The following ADGRB3 variants were observed in gnomAD, a reference collection of about 807,000 sequenced individuals.
The protein encoded by ADGRB3 is brain-specific angiogenesis inhibitor 3.
ADGRB3 carries 37 observed loss-of-function variants against 193.4 expected under a neutral mutation model. That is an observed-to-expected ratio of 0.19 (90% CI 0.15 to 0.25). The LOEUF (loss-of-function observed/expected upper bound fraction) is 0.25, where lower values mean the gene tolerates loss of function less well. Ranked by LOEUF, ADGRB3 falls within the 10% of genes least tolerant of loss-of-function variation. The probability of loss-of-function intolerance (pLI) is 1.00; values close to 1 mark genes in which losing one functional copy is unlikely to be tolerated. For missense variants in ADGRB3, 1,637 were observed against 1,852.9 expected (o/e 0.88, Z 2.14); for synonymous variants, 690 against 644.2 (o/e 1.07, Z -1.08).
At chr6:68,919,534 G>C (rs889685462) in intron 3 of ADGRB3, among the ~76,000 whole-genome samples, 2 of 152,156 alleles carry the variant, frequency 1.3e-5, no homozygotes, top group Non-Finnish European at 2.9e-5. Context: ...GATTTCTGGG[G>C]AAGAGAATGT....
At position 68,967,348 on chromosome 6, in the gene ADGRB3, C is replaced by G. The variant is rs114595532; in HGVS notation, c.1526-7415C>G. ...TCAGTAATAGAAAGATGTGGTTGGT[C>G]AAAGGAAAACAACTATTTAATCAGC... On this transcript the variant is annotated intron_variant, in intron 8 of 31. Transcript: ENST00000370598. 3.1e-3 allele frequency among the ~76,000 whole-genome samples: 473 copies of G among 152,194 alleles called. 1 individual carries two copies. Among genetic ancestry groups the G allele is most frequent in the African/African-American group, 0.011 (465 of 41,532 alleles).
At chr6:68,644,546 C>T (rs1036003480) in intron 3 of ADGRB3, among the ~76,000 whole-genome samples, 3 of 152,096 alleles carry the variant, frequency 2.0e-5, no homozygotes, top group African/African-American at 4.8e-5. Context: ...TGAAGATAAA[C>T]ATAAGCTGTC....
intron 17 of ADGRB3, among the ~76,000 whole-genome samples, chr6:69,091,884 G>A (rs1005163352): frequency 6.6e-6 from 1 of 152,018 alleles, no homozygotes; most frequent in African/African-American, 2.4e-5. Context: ...TTTTTGACAT[G>A]ATTAAAAAAA....
At chr6:69,232,131 G>A (rs952394416) in intron 17 of ADGRB3, among the ~76,000 whole-genome samples, 34 of 152,288 alleles carry the variant, frequency 2.2e-4, no homozygotes, top group African/African-American at 7.7e-4. Context: ...TAGTAACTTG[G>A]TTTGAAATTT....
intron 3 of ADGRB3, among the ~76,000 whole-genome samples, chr6:68,815,693 T>A (rs1767620036): frequency 6.6e-6 from 1 of 151,608 alleles, no homozygotes; most frequent in South Asian, 2.1e-4. Context: ...TTCTGAATTT[T>A]GAAACTCAGC....
chr6:69,014,677 T>G (rs1312230895), intron 12 of ADGRB3, among the ~76,000 whole-genome samples: 2 of 152,024 alleles, frequency 1.3e-5, no homozygotes, highest in Non-Finnish European at 2.9e-5. Flanking sequence ...TCCTAACTGA[T>G]AAGACAGTGA....
At chr6:69,112,375 A>G (rs745447727) in intron 17 of ADGRB3, among the ~76,000 whole-genome samples, 3 of 152,172 alleles carry the variant, frequency 2.0e-5, no homozygotes, top group East Asian at 3.9e-4. Context: ...TTCACATCCT[A>G]TTGACCAAAA....
intron 20 of ADGRB3, among the ~76,000 whole-genome samples, chr6:69,285,926 A>G (rs1403264964): frequency 1.3e-5 from 2 of 152,002 alleles, no homozygotes; most frequent in African/African-American, 4.8e-5. Context: ...AGGTAAAACA[A>G]AAGGTTTACT....
chr6:68,675,059 G>A (rs563760296), intron 3 of ADGRB3, among the ~76,000 whole-genome samples: 3 of 152,196 alleles, frequency 2.0e-5, no homozygotes, highest in Non-Finnish European at 4.4e-5. Flanking sequence ...TATGTATTGC[G>A]AATAGTGAGA....
chr6:69,139,613 C>A (rs1466175128), intron 17 of ADGRB3, among the ~76,000 whole-genome samples: 1 of 152,156 alleles, frequency 6.6e-6, no homozygotes, highest in Non-Finnish European at 1.5e-5. Context: ...TATTATGTGG[C>A]ATTCACCTCT....
At chr6:69,268,265 T>TAA (rs1378642640) in intron 20 of ADGRB3, among the ~76,000 whole-genome samples, 1 of 152,170 alleles carries the variant, frequency 6.6e-6, no homozygotes, top group African/African-American at 2.4e-5. Context: ...AATTATAATT[T>TAA]TGAAATCCAA....
chr6:68,807,476 G>A (rs887912855), intron 3 of ADGRB3, among the ~76,000 whole-genome samples: 3 of 151,738 alleles, frequency 2.0e-5, no homozygotes, highest in South Asian at 2.1e-4. Flanking sequence ...TCCTGACCTC[G>A]TGATTTCCCC....
intron 17 of ADGRB3, among the ~76,000 whole-genome samples, chr6:69,156,991 TGTTTCCCTAAGCCACTGAAGAA>T (rs1774859534): frequency 6.6e-6 from 1 of 152,190 alleles, no homozygotes; most frequent in African/African-American, 2.4e-5. Flanking sequence ...GAAGACACTA[TGTTTCCCTAAGCCACTGAAGAA>T]GTGGCGCAGC....
intron 3 of ADGRB3, among the ~76,000 whole-genome samples, chr6:68,728,401 A>C (rs567392864): frequency 5.8e-4 from 88 of 151,690 alleles, no homozygotes; most frequent in African/African-American, 2.1e-3. Flanking sequence ...AGCCTAACAA[A>C]AAAAAAAGAA....
chr6:69,224,094 CTTAA>C (rs1765957037), intron 17 of ADGRB3, among the ~76,000 whole-genome samples: 1 of 151,946 alleles, frequency 6.6e-6, no homozygotes, highest in Admixed American at 6.6e-5. Flanking sequence ...GATAATTACT[CTTAA>C]TTATTTTTTC....
At chr6:69,323,475 G>T (rs576617240) in intron 20 of ADGRB3, among the ~76,000 whole-genome samples, 5 of 152,164 alleles carry the variant, frequency 3.3e-5, no homozygotes, top group East Asian at 3.9e-4. Flanking sequence ...TGAGACTAGA[G>T]TATAGGTATG....
intron 24 of ADGRB3, among the ~76,000 whole-genome samples, chr6:69,334,780 A>G (rs1392371164): frequency 2.0e-5 from 3 of 151,900 alleles, no homozygotes; most frequent in African/African-American, 7.3e-5. Context: ...ATAAAATGGG[A>G]CTCTTTAGTG....
intron 17 of ADGRB3, among the ~76,000 whole-genome samples, chr6:69,133,602 T>C (rs1774071722): frequency 6.6e-6 from 1 of 151,924 alleles, no homozygotes; most frequent in African/African-American, 2.4e-5. Context: ...TAGGGACTCC[T>C]CCCTAACTCA....
rs1309213791 is a variant in ADGRB3, at chr6:68,748,319, A to G, written c.757+108887A>G. On this transcript the variant is annotated intron_variant, in intron 3 of 31. Coordinates refer to ENST00000370598, the MANE Select transcript of ADGRB3 (RefSeq NM_001704.3). Reference sequence around the variant, plus strand: ...GAGACAAGGCAAGTCCCTTCTGCCTATGAGCCTGTAAAATCAAAAGGAAGC... The same window carrying G: ...GAGACAAGGCAAGTCCCTTCTGCCTGTGAGCCTGTAAAATCAAAAGGAAGC... Among the ~76,000 whole-genome samples the G allele has an allele frequency of 3.3e-5, 5 of 152,208 alleles. No individual in the cohort carries two copies. The East Asian group carries it at 9.6e-4, about 29-fold the overall frequency.
Sources: allele counts gnomAD v4.1 joint callset (sites outside exome capture counted in the v4.1 genomes callset), GRCh38; gene constraint gnomAD v4.1.1; transcripts MANE v1.5; gene names NCBI Gene and HGNC (gene_info 2026-07-23, HGNC 2026-07-21).